Variants in IQCM observed in about 807,000 individuals in gnomAD.
The protein encoded by IQCM is IQ domain-containing protein M.
A neutral mutation model predicts 57.6 loss-of-function variants in IQCM; 45 were observed. The observed-to-expected ratio is 0.78, with a 90% CI of 0.62 to 1.00. The LOEUF (loss-of-function observed/expected upper bound fraction) is 1.00. Among genes scored for constraint, IQCM ranks in the 50% least tolerant of loss-of-function variants. The pLI, the probability that IQCM is intolerant of heterozygous loss-of-function variation, is 0.00. For synonymous variants in IQCM, 148 were observed against 158.9 expected (o/e 0.93, Z 0.51); for missense variants, 468 against 511.6 (o/e 0.91, Z 0.82).
At chr4:149,791,717 C>T (rs1772635131) in intron 2 of IQCM, among the ~76,000 whole-genome samples, 1 of 152,130 alleles carries the variant, frequency 6.6e-6, no homozygotes, top group Non-Finnish European at 1.5e-5. Context: ...GTAACATAAC[C>T]ATACTTCATA....
chr4:149,732,157 T>C (rs2149885285), intron 5 of IQCM, among the ~76,000 whole-genome samples: 1 of 152,272 alleles, frequency 6.6e-6, no homozygotes, highest in African/African-American at 2.4e-5. Flanking sequence ...CATCATGTCT[T>C]TCCATTAAAC....
At chr4:149,398,837 G>T (rs1732416375) in intron 13 of IQCM, among the ~76,000 whole-genome samples, 1 of 152,028 alleles carries the variant, frequency 6.6e-6, no homozygotes, top group African/African-American at 2.4e-5. Context: ...CTCCTGAGCA[G>T]CTGGGACTAC....
At chr4:149,596,470 A>G (rs1174646995) in intron 8 of IQCM, among the ~76,000 whole-genome samples, 1 of 152,114 alleles carries the variant, frequency 6.6e-6, no homozygotes, top group East Asian at 1.9e-4. Context: ...AATGACCTGC[A>G]TGCCCTGCAG....
At chr4:149,773,157 C>T (rs1770748599) in intron 2 of IQCM, among the ~76,000 whole-genome samples, 1 of 152,130 alleles carries the variant, frequency 6.6e-6, no homozygotes, top group Non-Finnish European at 1.5e-5. Flanking sequence ...CCAGACCATC[C>T]TGGCTAACAT....
At chr4:149,668,822 A>G (rs1176368451) in intron 7 of IQCM, among the ~76,000 whole-genome samples, 1 of 152,172 alleles carries the variant, frequency 6.6e-6, no homozygotes, top group African/African-American at 2.4e-5. Context: ...CAGCAAAACT[A>G]AAAGTTGGCT....
intron 13 of IQCM, among the ~76,000 whole-genome samples, chr4:149,362,059 T>A (rs35249208): frequency 0.1 from 15,259 of 152,110 alleles, 1,274 homozygotes; most frequent in African/African-American, 0.23. Flanking sequence ...AGGAGATAAT[T>A]TTGGAGCTTT....
At chr4:149,716,296 A>C (rs1764990921) in intron 5 of IQCM, among the ~76,000 whole-genome samples, 1 of 152,218 alleles carries the variant, frequency 6.6e-6, no homozygotes, top group Non-Finnish European at 1.5e-5. Flanking sequence ...GCACGTCAGC[A>C]CAGCCCTGAG....
intron 12 of IQCM, among the ~76,000 whole-genome samples, chr4:149,515,071 C>CGT (rs58534209): frequency 0.014 from 2,065 of 142,870 alleles, 21 homozygotes; most frequent in Middle Eastern, 0.046. Flanking sequence ...TATATATACA[C>CGT]GTGTGTGTGT....
At position 149,738,845 on chromosome 4, in the gene IQCM, TCACAAGATAG is replaced by T. The variant is rs1177872042; in HGVS notation, c.38-3397_38-3388del. 2.0e-5 allele frequency among the ~76,000 whole-genome samples: 3 copies of T among 152,298 alleles called. No homozygotes were observed. The East Asian group carries it at 5.8e-4, about 29-fold the overall frequency. On this transcript the variant is annotated intron_variant, in intron 3 of 13. Transcript: ENST00000636793. ...AGTGGCCCTTGAACAAGAGTGAAATTCACAAGATAGCACAAGATAACTCATACCTCAATGC... is the reference window on the plus strand; with the variant it reads ...AGTGGCCCTTGAACAAGAGTGAAATTCACAAGATAACTCATACCTCAATGC...
chr4:149,652,833 A>C (rs1193774261), intron 7 of IQCM, among the ~76,000 whole-genome samples: 5 of 152,210 alleles, frequency 3.3e-5, no homozygotes, highest in Non-Finnish European at 1.5e-5. Flanking sequence ...ATAAAAAGTT[A>C]CTGAAGTTAA....
chr4:149,509,366 C>T (rs577255607), intron 12 of IQCM, among the ~76,000 whole-genome samples: 1 of 152,170 alleles, frequency 6.6e-6, no homozygotes, highest in South Asian at 2.1e-4. Flanking sequence ...CAGCTTCAAC[C>T]TCTCAGGGCT....
chr4:149,437,220 G>A (rs1024462511), intron 12 of IQCM, among the ~76,000 whole-genome samples: 3 of 152,006 alleles, frequency 2.0e-5, no homozygotes, highest in Non-Finnish European at 2.9e-5. Context: ...GGTCTCTCCC[G>A]TTGCTATCAC....
At chr4:149,509,752 G>T (rs1440327840) in intron 12 of IQCM, among the ~76,000 whole-genome samples, 1 of 151,806 alleles carries the variant, frequency 6.6e-6, no homozygotes, top group African/African-American at 2.4e-5. Flanking sequence ...AAAGGCAATT[G>T]TATTTTATAT....
intron 2 of IQCM, among the ~76,000 whole-genome samples, chr4:149,785,283 T>C (rs896352978): frequency 1.3e-5 from 2 of 152,216 alleles, no homozygotes; most frequent in Non-Finnish European, 2.9e-5. Context: ...CCTTTGAGAC[T>C]GAGGCAGCTG....
intron 5 of IQCM, among the ~76,000 whole-genome samples, chr4:149,715,906 C>G (rs182087969): frequency 1.8e-4 from 27 of 152,316 alleles, no homozygotes; most frequent in African/African-American, 6.5e-4. Flanking sequence ...GCAGATAGGT[C>G]TTCCTGTCCT....
intron 12 of IQCM, among the ~76,000 whole-genome samples, chr4:149,472,826 C>A (rs1739727033): frequency 6.6e-6 from 1 of 151,968 alleles, no homozygotes. Context: ...CACACATCTA[C>A]AATGATCTGA....
chr4:149,659,024 G>C (rs1372579600), intron 7 of IQCM, among the ~76,000 whole-genome samples: 1 of 151,376 alleles, frequency 6.6e-6, no homozygotes, highest in African/African-American at 2.4e-5. Context: ...AAAAAGAAGT[G>C]GTTAAAAAAA....
At chr4:149,769,146 A>G (rs1770327493) in intron 2 of IQCM, among the ~76,000 whole-genome samples, 2 of 152,014 alleles carry the variant, frequency 1.3e-5, no homozygotes. Flanking sequence ...TACAGATTCT[A>G]TCTCATTAAA....
intron 12 of IQCM, among the ~76,000 whole-genome samples, chr4:149,437,503 G>C (rs139283599): frequency 2.6e-5 from 4 of 152,070 alleles, no homozygotes; most frequent in Admixed American, 6.6e-5. Context: ...CCTCTTCTCA[G>C]GTAAGTGAGG....
Sources: allele counts gnomAD v4.1 joint callset (sites outside exome capture counted in the v4.1 genomes callset), GRCh38; gene constraint gnomAD v4.1.1; transcripts MANE v1.5; gene names NCBI Gene and HGNC (gene_info 2026-07-23, HGNC 2026-07-21).